The following ZNF407 variants were observed in gnomAD, a reference collection of about 807,000 sequenced individuals.
ZNF407 encodes the protein zinc finger protein 407.
A neutral mutation model predicts 131.2 loss-of-function variants in ZNF407; 17 were observed. That is an observed-to-expected ratio of 0.13 (90% CI 0.09 to 0.19). The LOEUF (loss-of-function observed/expected upper bound fraction) is 0.19. Ranked by LOEUF, ZNF407 falls within the 10% of genes least tolerant of loss-of-function variation. ZNF407 has a pLI of 1.00. For synonymous variants in ZNF407, 1,156 were observed against 1,062.0 expected, an observed-to-expected ratio of 1.09 and a Z score of -1.72; for missense variants, 2,681 against 2,830.6, an observed-to-expected ratio of 0.95 and a Z score of 1.20.
At chr18:74,625,045 C>T (rs1159639730) in intron 1 of ZNF407, among the ~76,000 whole-genome samples, 1 of 152,218 alleles carries the variant, frequency 6.6e-6, no homozygotes, top group Non-Finnish European at 1.5e-5. Context: ...TACCCCAATG[C>T]ATGAGTACAT....
chr18:74,612,405 GT>G (rs1057006714), intron 1 of ZNF407, among the ~76,000 whole-genome samples: 3 of 152,048 alleles, frequency 2.0e-5, no homozygotes, highest in African/African-American at 7.2e-5. Context: ...CATATTAAAA[GT>G]TTTTTGTATA....
chr18:74,683,593 G>A (rs1054567433), intron 3 of ZNF407, among the ~76,000 whole-genome samples: 1 of 152,168 alleles, frequency 6.6e-6, no homozygotes, highest in Non-Finnish European at 1.5e-5. Context: ...ACCATGGGCT[G>A]TTAGCTTTGT....
chr18:74,697,439 C>G (rs1967384798), intron 3 of ZNF407, among the ~76,000 whole-genome samples: 1 of 152,044 alleles, frequency 6.6e-6, no homozygotes, highest in African/African-American at 2.4e-5. Flanking sequence ...AAAGTGATTT[C>G]ATTGTACTTT....
In ZNF407 at chr18:75,023,673, C is replaced by A. The variant is rs17056178; in HGVS notation, c.5429-39477C>A. Among the ~76,000 whole-genome samples, 664 of 152,242 alleles carry A rather than the reference C, an allele frequency of 4.4e-3. 6 individuals carry two copies. The highest frequency in any genetic ancestry group is 0.015 in the African/African-American group (612 of 41,538). On this transcript the variant is annotated intron_variant, in intron 8 of 8. Transcript: ENST00000299687. ...GTCAGCTTTCTCTAATTATAGTCGG[C>A]TTTCTCTAATTATAGTTGTGAATCG...
Position 74,929,988 on chromosome 18 carries a change from A to G in ZNF407, c.5428+9296A>G, listed in dbSNP as rs548365198. 3.3e-5 allele frequency among the ~76,000 whole-genome samples: 5 copies of G among 152,200 alleles called. No individual in the cohort carries two copies. The South Asian group carries it at 8.3e-4, about 25-fold the overall frequency. On this transcript the variant is annotated intron_variant, in intron 8 of 8. Coordinates refer to ENST00000299687, the MANE Select transcript of ZNF407 (RefSeq NM_017757.3). The stretch of plus-strand genomic sequence containing the variant: ...CCAAATGTTAACATCAAACATAACC[A>G]TACTACTTACGAAAGCCTGAGAATT...
At chr18:74,681,566 A>G (rs1371511749) in intron 3 of ZNF407, among the ~76,000 whole-genome samples, 4 of 152,114 alleles carry the variant, frequency 2.6e-5, no homozygotes, top group African/African-American at 9.7e-5. Flanking sequence ...TACATTCTGA[A>G]CTTTTAATAT....
chr18:74,681,339 G>A (rs1441370079), intron 3 of ZNF407, among the ~76,000 whole-genome samples: 1 of 152,062 alleles, frequency 6.6e-6, no homozygotes, highest in Non-Finnish European at 1.5e-5. Flanking sequence ...GCGCCTAAAT[G>A]CTTAAATGAT....
chr18:74,666,696 A>C (rs1337277032), intron 3 of ZNF407, among the ~76,000 whole-genome samples: 1 of 152,084 alleles, frequency 6.6e-6, no homozygotes, highest in African/African-American at 2.4e-5. Flanking sequence ...TGGGTAACAA[A>C]CTCCCACAAG....
At chr18:74,797,134 C>G (rs939398943) in intron 4 of ZNF407, among the ~76,000 whole-genome samples, 1 of 152,172 alleles carries the variant, frequency 6.6e-6, no homozygotes, top group Non-Finnish European at 1.5e-5. Flanking sequence ...AATTCCACCT[C>G]TCTTACTCAC....
chr18:74,711,663 C>A (rs1233916759), intron 3 of ZNF407, among the ~76,000 whole-genome samples: 2 of 152,160 alleles, frequency 1.3e-5, no homozygotes, highest in Non-Finnish European at 2.9e-5. Flanking sequence ...TAATTTATTA[C>A]AGTATTTCTA....
At chr18:74,849,133 C>T (rs1013175356) in intron 4 of ZNF407, among the ~76,000 whole-genome samples, 1 of 146,364 alleles carries the variant, frequency 6.8e-6, no homozygotes, top group Non-Finnish European at 1.5e-5. Context: ...GGCTGGAGTG[C>T]AGTGGCGCAA....
chr18:74,720,750 C>G (rs1968012211), intron 3 of ZNF407, among the ~76,000 whole-genome samples: 1 of 151,964 alleles, frequency 6.6e-6, no homozygotes. Flanking sequence ...CCAGCATCGT[C>G]AATGAGTGTT....
At chr18:74,647,327 C>A (rs1361260299) in intron 3 of ZNF407, among the ~76,000 whole-genome samples, 1 of 152,038 alleles carries the variant, frequency 6.6e-6, no homozygotes, top group Non-Finnish European at 1.5e-5. Flanking sequence ...TTCTGTAGTT[C>A]CAGCTGTTTG....
At chr18:74,682,767 T>C (rs893102340) in intron 3 of ZNF407, among the ~76,000 whole-genome samples, 3 of 152,206 alleles carry the variant, frequency 2.0e-5, no homozygotes, top group African/African-American at 7.2e-5. Context: ...AAAAGACAAA[T>C]TCAGTCTTGT....
intron 1 of ZNF407, among the ~76,000 whole-genome samples, chr18:74,605,213 C>T (rs190046164): frequency 1.4e-5 from 2 of 140,966 alleles, no homozygotes; most frequent in East Asian, 3.9e-4. Flanking sequence ...AGAGCACCTC[C>T]TTCACCCCCA....
intron 3 of ZNF407, among the ~76,000 whole-genome samples, chr18:74,689,966 T>C (rs1459485284): frequency 1.3e-5 from 2 of 151,950 alleles, no homozygotes; most frequent in African/African-American, 4.8e-5. Flanking sequence ...GTGCAGGCAG[T>C]ATAGGAAAAT....
Position 74,635,266 on chromosome 18 carries a change from G to C in ZNF407, c.4247G>C (p.Cys1416Ser). The C allele has an allele frequency of 1.9e-6, 3 of 1,614,054 alleles. No homozygotes were observed. Among genetic ancestry groups the C allele is most frequent in the Non-Finnish European group, 2.5e-6 (3 of 1,179,904 alleles). ...ATTGGTGAGTCTACACGAATTCGCT[G>C]TGATGATTGTGGCTTCTTAGCAGAT... ...SSIGESTRIR[C>S]DDCGFLADGL... The change falls in exon 2 of 9, where the codon TGT becomes TCT. Residue 1416 changes from cysteine to serine, a missense_variant. Around this residue, in one of 6 missense-constraint regions of ZNF407, gnomAD observed 1,789 missense variants for 1,748.7 expected, o/e 1.02. Transcript: ENST00000299687. The surrounding 1 kb of genome is among the most constrained non-coding windows in gnomAD (Gnocchi z 4.7).
At chr18:74,794,202 T>G (rs1415899776) in intron 4 of ZNF407, among the ~76,000 whole-genome samples, 1 of 152,194 alleles carries the variant, frequency 6.6e-6, no homozygotes, top group Non-Finnish European at 1.5e-5. Context: ...CTCTGCCGCA[T>G]ACATGATGTC....
intron 3 of ZNF407, among the ~76,000 whole-genome samples, chr18:74,675,813 C>A (rs1280038033): frequency 6.6e-6 from 1 of 151,918 alleles, no homozygotes; most frequent in African/African-American, 2.4e-5. Context: ...CACTTGAATC[C>A]CACTCATTTC....
Sources: gnomAD v4.1 joint callset for allele counts (sites outside exome capture counted in the v4.1 genomes callset) on GRCh38, gnomAD v4.1.1 for gene constraint, gnomAD v4.1.1 regional missense constraint, Gnocchi (gnomAD v3.1) non-coding constraint, MANE v1.5 for transcripts, NCBI Gene and HGNC (gene_info 2026-07-23, HGNC 2026-07-21) for gene names.